MAP2K5: variants seen among roughly 807,000 people sequenced by gnomAD.
The protein encoded by MAP2K5 is dual specificity mitogen-activated protein kinase kinase 5.
MAP2K5 carries 49 observed loss-of-function variants against 83.1 expected under a neutral mutation model. That is an observed-to-expected ratio of 0.59 (90% CI 0.47 to 0.75). MAP2K5 has a LOEUF of 0.75. MAP2K5 is among the 30% of genes least tolerant of loss of function. The probability of loss-of-function intolerance (pLI) is 0.00; values close to 1 mark genes in which losing one functional copy is unlikely to be tolerated. For missense variants in MAP2K5, 457 were observed against 557.5 expected, an observed-to-expected ratio of 0.82 and a Z score of 1.82; for synonymous variants, 202 against 191.8, an observed-to-expected ratio of 1.05 and a Z score of -0.44.
In MAP2K5 at chr15:67,572,862, C is replaced by T. The variant is rs2084976126; in HGVS notation, c.253-7892C>T. On this transcript the variant is annotated intron_variant, in intron 3 of 21. Transcript: ENST00000178640. The surrounding 1 kb of genome is among the most constrained non-coding windows in gnomAD (Gnocchi z 4.2). ...TACAGGCACCTGCTACCACGCCCAG[C>T]TAAGTTTTGTATTTTTAGTAGAGAC... Among the ~76,000 whole-genome samples, 1 of 151,976 alleles carries T rather than the reference C, an allele frequency of 6.6e-6. No individual in the cohort carries two copies. The highest frequency in any genetic ancestry group is 1.9e-4 in the East Asian group (1 of 5,180).
At position 67,559,093 on chromosome 15, in the gene MAP2K5, A is replaced by G. The variant is rs1402267013; in HGVS notation, c.185-4190A>G. ...TCCGTGCCTGAGAAGGGCTTTAAAC[A>G]TGACATCTTTTCCGGTAGTTTCCTG... On this transcript the variant is annotated intron_variant, in intron 2 of 21. Transcript: ENST00000178640. This position sits in a 1 kb window ranked among gnomAD's most constrained non-coding sequence, Gnocchi z 4.7. 1.3e-5 allele frequency among the ~76,000 whole-genome samples: 2 copies of G among 152,216 alleles called. No individual in the cohort carries two copies. The highest frequency in any genetic ancestry group is 2.9e-5 in the Non-Finnish European group (2 of 68,032).
Position 67,755,060 on chromosome 15 carries a change from C to T in MAP2K5, c.1134+6459C>T, listed in dbSNP as rs972243114. Among the ~76,000 whole-genome samples, 7 of 152,064 alleles carry T rather than the reference C, an allele frequency of 4.6e-5. No individual in the cohort carries two copies. The highest frequency in any genetic ancestry group is 1.4e-4 in the African/African-American group (6 of 41,398). Reference sequence around the variant, plus strand: ...CACAATCTTGGCTCACTGCAACCTCCGCCTCCTGGGTTCATGCAATCCTCC... The same window carrying T: ...CACAATCTTGGCTCACTGCAACCTCTGCCTCCTGGGTTCATGCAATCCTCC... On this transcript the variant is annotated intron_variant, in intron 19 of 21. Coordinates refer to ENST00000178640, the MANE Select transcript of MAP2K5 (RefSeq NM_145160.3). The surrounding 1 kb of genome is among the most constrained non-coding windows in gnomAD (Gnocchi z 4.7).
At chr15:67,613,221 G>GT (rs2085972236) in intron 8 of MAP2K5, among the ~76,000 whole-genome samples, 1 of 152,208 alleles carries the variant, frequency 6.6e-6, no homozygotes, top group African/African-American at 2.4e-5. Flanking sequence ...TTCCAGAAGA[G>GT]TAAGGCAAGA....
intron 3 of MAP2K5, among the ~76,000 whole-genome samples, chr15:67,569,022 A>C (rs978594700): frequency 1.3e-5 from 2 of 150,746 alleles, no homozygotes; most frequent in Non-Finnish European, 1.5e-5. Flanking sequence ...AAAAAAAACA[A>C]AAAAAAAAAA....
intron 2 of MAP2K5, among the ~76,000 whole-genome samples, chr15:67,551,718 G>A (rs892693545): frequency 6.6e-6 from 1 of 152,130 alleles, no homozygotes; most frequent in Non-Finnish European, 1.5e-5. Context: ...ACAGCTTGCT[G>A]TAGCCTTGAC....
At position 67,748,303 on chromosome 15, in the gene MAP2K5, A is replaced by G; in HGVS notation, c.1101+46A>G. Reference sequence around the variant, plus strand: ...AAAAAATTCACTTTTCTTTTTCCTGATGGCTGCTTCCTTTGCATGCTTGAA... The same window carrying G: ...AAAAAATTCACTTTTCTTTTTCCTGGTGGCTGCTTCCTTTGCATGCTTGAA... On this transcript the variant is annotated intron_variant, in intron 18 of 21. Coordinates refer to ENST00000178640, the MANE Select transcript of MAP2K5 (RefSeq NM_145160.3). This position sits in a 1 kb window ranked among gnomAD's most constrained non-coding sequence, Gnocchi z 4.0. 1 of 1,492,952 alleles carries G rather than the reference A, an allele frequency of 6.7e-7. No individual in the cohort carries two copies. Among genetic ancestry groups the G allele is most frequent in the Non-Finnish European group, 9.3e-7 (1 of 1,072,398 alleles). The allele number at this position is 1,492,952 out of a possible 1,614,324, so 92.5% of individuals were successfully genotyped here.
chr15:67,679,815 T>A (rs1275429491), intron 13 of MAP2K5: 1 of 152,234 alleles, frequency 6.6e-6, no homozygotes, highest in East Asian at 1.9e-4. Flanking sequence ...GTTGATTTTT[T>A]AAAACAGCTT....
intron 13 of MAP2K5, among the ~76,000 whole-genome samples, chr15:67,669,687 A>G (rs575589264): frequency 9.2e-5 from 14 of 152,086 alleles, no homozygotes; most frequent in Non-Finnish European, 1.9e-4. Context: ...TTGCTGATGG[A>G]TTGCTTGTGA....
intron 13 of MAP2K5, 34 bp downstream of exon 13, chr15:67,664,679 TG>T: frequency 6.6e-7 from 1 of 1,506,360 alleles, no homozygotes; most frequent in Non-Finnish European, 9.2e-7. Flanking sequence ...GGATTTAATT[TG>T]GGGTGGGGTT....
chr15:67,806,680 A>G lies in MAP2K5; in HGVS notation c.1277A>G (p.Asn426Ser), dbSNP rs1362192081. The G allele has an allele frequency of 2.6e-6, 4 of 1,551,338 alleles. No homozygotes were observed. The African/African-American group carries it at 4.1e-5, about 16-fold the overall frequency. Residue 426 changes from asparagine (N) to serine (S), a missense_variant, in exon 22 of 22, where the codon AAT (asparagine) becomes AGT (serine). Physicochemically the swap from Asn to Ser is conservative, Grantham distance 46 (BLOSUM62 1). Transcript: ENST00000178640. Reference sequence around the variant, plus strand: ...TTCATCGTGCAGTTCAATGATGGAAATGCCGCCGTGGTGTCCATGTGGGTG... The same window carrying G: ...TTCATCGTGCAGTTCAATGATGGAAGTGCCGCCGTGGTGTCCATGTGGGTG... The part of the protein sequence containing the change: ...HPFIVQFNDG[N>S]AAVVSMWVCR...
In MAP2K5 at chr15:67,806,676, G is replaced by A; in HGVS notation, c.1273G>A (p.Gly425Arg). The change falls in exon 22 of 22, where the codon GGA (glycine) becomes AGA (arginine). Residue 425 changes from glycine to arginine, a missense_variant. Physicochemically the swap from Gly to Arg is moderately radical, Grantham distance 125. This residue lies in a region of MAP2K5 where 55 missense variants were observed against 50.9 expected (regional missense o/e 1.08). Coordinates refer to ENST00000178640, the MANE Select transcript of MAP2K5 (RefSeq NM_145160.3). Reference protein sequence around the residue: ...GHPFIVQFNDGNAAVVSMWVC... With the variant: ...GHPFIVQFNDRNAAVVSMWVC... ...CCCGTTCATCGTGCAGTTCAATGAT[G>A]GAAATGCCGCCGTGGTGTCCATGTG... 6.4e-7 allele frequency: 1 copy of A among 1,551,414 alleles called. No homozygotes were observed. Among genetic ancestry groups the A allele is most frequent in the Non-Finnish European group, 8.7e-7 (1 of 1,147,224 alleles).
At chr15:67,685,471 T>A (rs1326139826) in intron 13 of MAP2K5, among the ~76,000 whole-genome samples, 1 of 124,638 alleles carries the variant, frequency 8.0e-6, no homozygotes, top group Non-Finnish European at 1.8e-5. Flanking sequence ...AGGAAACTGA[T>A]GATGGATGGT....
Position 67,786,431 on chromosome 15 carries a change from T to C in MAP2K5, c.1242+13679T>C, listed in dbSNP as rs28463100. ...TGTAAACCAGTTAATCAACAAGTATTTGTTGTCCAGGTCTGTGAGGTGCCA... is the reference window on the plus strand; with the variant it reads ...TGTAAACCAGTTAATCAACAAGTATCTGTTGTCCAGGTCTGTGAGGTGCCA... On this transcript the variant is annotated intron_variant, in intron 21 of 21. Transcript: ENST00000178640. This position sits in a 1 kb window ranked among gnomAD's most constrained non-coding sequence, Gnocchi z 4.7. Among the ~76,000 whole-genome samples the C allele has an allele frequency of 0.31, 46,455 of 152,154 alleles. 8,186 individuals are homozygous for C. Among genetic ancestry groups the C allele is most frequent in the East Asian group, 0.6 (3,085 of 5,170 alleles).
chr15:67,593,796 G>A (rs1041228886), intron 7 of MAP2K5, among the ~76,000 whole-genome samples: 10 of 152,138 alleles, frequency 6.6e-5, no homozygotes, highest in African/African-American at 9.7e-5. Context: ...TTCACTTCCC[G>A]TCCATGTTTC....
Position 67,652,209 on chromosome 15 carries a change from G to A in MAP2K5, c.736+5740G>A, listed in dbSNP as rs781348557. Among the ~76,000 whole-genome samples the A allele has an allele frequency of 2.0e-5, 3 of 151,996 alleles. No homozygotes were observed. The highest frequency in any genetic ancestry group is 6.6e-5 in the Admixed American group (1 of 15,258). ...GAAATCATCTGGTTCTGAGGTTTTC[G>A]GGGTGTGTCATTAGTGCGTGTTTTT... On this transcript the variant is annotated intron_variant, in intron 11 of 21. Transcript: ENST00000178640. This position sits in a 1 kb window ranked among gnomAD's most constrained non-coding sequence, Gnocchi z 4.2.
chr15:67,803,947 C>T (rs2090750795), intron 21 of MAP2K5, among the ~76,000 whole-genome samples: 2 of 152,182 alleles, frequency 1.3e-5, no homozygotes, highest in Non-Finnish European at 1.5e-5. Context: ...CAGCTGTGAC[C>T]CTGCAGCCTC....
chr15:67,571,448 A>G (rs537226371), intron 3 of MAP2K5, among the ~76,000 whole-genome samples: 4 of 152,348 alleles, frequency 2.6e-5, no homozygotes, highest in South Asian at 2.1e-4. Context: ...CTCAACCTCA[A>G]TAAACCAGTT....
At chr15:67,648,367 G>A (rs936471258) in intron 11 of MAP2K5, among the ~76,000 whole-genome samples, 2 of 152,016 alleles carry the variant, frequency 1.3e-5, no homozygotes, top group African/African-American at 4.8e-5. Flanking sequence ...TTAGTATAAT[G>A]TTTTCAGTGT....
At chr15:67,796,715 C>T (rs2090611374) in intron 21 of MAP2K5, among the ~76,000 whole-genome samples, 1 of 152,162 alleles carries the variant, frequency 6.6e-6, no homozygotes, top group Non-Finnish European at 1.5e-5. Context: ...TATTCTGTTT[C>T]TGGCCTCTAA....
Sources: allele counts gnomAD v4.1 joint callset (sites outside exome capture counted in the v4.1 genomes callset), GRCh38; gene constraint gnomAD v4.1.1; regional missense constraint gnomAD v4.1.1; non-coding constraint Gnocchi (gnomAD v3.1); transcripts MANE v1.5; gene names NCBI Gene and HGNC (gene_info 2026-07-23, HGNC 2026-07-21).